Variants in TPTE2 observed in about 807,000 individuals in gnomAD.
TPTE2 encodes the protein transmembrane phosphoinositide 3-phosphatase and tensin homolog 2.
In TPTE2, 53 loss-of-function variants were observed where a neutral mutation model predicts 78.6. That is an observed-to-expected ratio of 0.67 (90% CI 0.54 to 0.85). The LOEUF (loss-of-function observed/expected upper bound fraction) is 0.85. Among genes scored for constraint, TPTE2 ranks in the 40% least tolerant of loss-of-function variants. The pLI is 0.00. For missense variants in TPTE2, 461 were observed against 623.0 expected (o/e 0.74, Z 2.77); for synonymous variants, 175 against 206.2 (o/e 0.85, Z 1.30).
At chr13:19,518,279 T>C (rs1414439844) in intron 1 of TPTE2, among the ~76,000 whole-genome samples, 2 of 152,202 alleles carry the variant, frequency 1.3e-5, no homozygotes, top group Non-Finnish European at 2.9e-5. Context: ...GCAATGGATA[T>C]GCTAATTACC....
In TPTE2 at chr13:19,516,340, C is replaced by T. The variant is rs140970618; in HGVS notation, c.-43-13063G>A. 5.2e-3 allele frequency among the ~76,000 whole-genome samples: 794 copies of T among 152,332 alleles called. 4 individuals are homozygous for T. The highest frequency in any genetic ancestry group is 9.6e-3 in the Admixed American group (147 of 15,310). ...TTAGGTGCTCCAAGCATGAAAGCTT[C>T]ATTCTCAACAGATTCCTAATGTTTC... On this transcript the variant is annotated intron_variant, in intron 1 of 17. Transcript: ENST00000390680.
intron 19 of TPTE2, 62 bp from the exon 23 acceptor site, chr13:19,423,226 G>A (rs1317694212): frequency 7.5e-7 from 1 of 1,330,996 alleles, no homozygotes; most frequent in African/African-American, 1.5e-5. Context: ...CACGCAGTTG[G>A]GTACCCACGT....
chr13:19,462,552 T>A (rs12864750), intron 10 of TPTE2, among the ~76,000 whole-genome samples: 3 of 145,934 alleles, frequency 2.1e-5, no homozygotes, highest in African/African-American at 5.2e-5. Flanking sequence ...TTTTTTTTTT[T>A]AATTTTTTTG....
chr13:19,501,842 T>C (rs1463987096), intron 1 of TPTE2, among the ~76,000 whole-genome samples: 7 of 151,132 alleles, frequency 4.6e-5, no homozygotes, highest in Non-Finnish European at 7.4e-5. Context: ...AAAGAAACTA[T>C]CATCAGAGTG....
At chr13:19,461,611 A>G (rs145656204) in intron 10 of TPTE2, among the ~76,000 whole-genome samples, 41 of 152,282 alleles carry the variant, frequency 2.7e-4, no homozygotes, top group Admixed American at 2.0e-3. Context: ...AAAGGCCCCA[A>G]CTGTTATTGC....
chr13:19,469,760 T>C (rs1182093394), intron 6 of TPTE2, among the ~76,000 whole-genome samples: 1 of 152,222 alleles, frequency 6.6e-6, no homozygotes, highest in Non-Finnish European at 1.5e-5. Context: ...GGTTAATTTC[T>C]AGGTATTTAA....
At chr13:19,457,583 C>G (rs2137545858) in intron 10 of TPTE2, among the ~76,000 whole-genome samples, 1 of 150,708 alleles carries the variant, frequency 6.6e-6, no homozygotes, top group African/African-American at 2.4e-5. Flanking sequence ...CTCATGTGTT[C>G]TCATTGTCAG....
chr13:19,431,640 G>T (rs1265449732), intron 16 of TPTE2, among the ~76,000 whole-genome samples: 1 of 151,512 alleles, frequency 6.6e-6, no homozygotes, highest in African/African-American at 2.4e-5. Flanking sequence ...AGAAATCACA[G>T]TTTCTTGCCT....
chr13:19,541,995 A>C, the TPTE2 span, among the ~76,000 whole-genome samples: 3 of 152,148 alleles, frequency 2.0e-5, no homozygotes, highest in African/African-American at 7.2e-5. Flanking sequence ...TACCAATCAA[A>C]TTTCTTTAAT....
chr13:19,509,041 A>G (rs1566071125), intron 1 of TPTE2, among the ~76,000 whole-genome samples: 1 of 152,206 alleles, frequency 6.6e-6, no homozygotes, highest in African/African-American at 2.4e-5. Flanking sequence ...ATTACTGAAT[A>G]CCTCTTATGT....
rs534945910 is a variant in TPTE2, at chr13:19,440,948, G to A, written c.974-2795C>T. On this transcript the variant is annotated intron_variant, in intron 13 of 19. Transcript: ENST00000400230. ...CTAAAAATACAAAAATTAGCTGGGC[G>A]TGGTGGCAGGCACTTGTAATCCCAG... 1.1e-4 allele frequency among the ~76,000 whole-genome samples: 16 copies of A among 151,776 alleles called. No homozygotes were observed. The South Asian group carries it at 2.5e-3, about 24-fold the overall frequency.
the TPTE2 span, among the ~76,000 whole-genome samples, chr13:19,544,554 C>A: frequency 6.6e-6 from 1 of 152,192 alleles, no homozygotes; most frequent in Admixed American, 6.5e-5. Flanking sequence ...CAAATTAAAT[C>A]TCTATTCATT....
intron 17 of TPTE2, 32 bp downstream of exon 20, chr13:19,430,436 C>T: frequency 6.6e-7 from 1 of 1,521,356 alleles, no homozygotes; most frequent in South Asian, 1.1e-5. Flanking sequence ...AAACAAACAT[C>T]AGATTTTTTC....
At chr13:19,436,282 T>C in exon 15 of TPTE2, 1 of 1,613,384 alleles carries the variant, frequency 6.2e-7, no homozygotes, top group Middle Eastern at 1.7e-4. Flanking sequence ...TTGGTTCGCC[T>C]TTCTCCAAAA....
intron 10 of TPTE2, among the ~76,000 whole-genome samples, chr13:19,459,937 C>T (rs2497074): frequency 0.98 from 148,745 of 152,256 alleles, 72,734 homozygotes; most frequent in East Asian, 1. Flanking sequence ...GATTCCAACC[C>T]GCTGCTGTTG....
intron 1 of TPTE2, among the ~76,000 whole-genome samples, chr13:19,534,454 T>C (rs932018738): frequency 6.6e-6 from 1 of 152,198 alleles, no homozygotes; most frequent in Admixed American, 6.5e-5. Flanking sequence ...AAGGAGCATC[T>C]TCATAAAGAT....
intron 6 of TPTE2, among the ~76,000 whole-genome samples, chr13:19,472,042 T>C (rs1879650405): frequency 6.6e-6 from 1 of 152,236 alleles, no homozygotes; most frequent in African/African-American, 2.4e-5. Context: ...CTGCCAGATA[T>C]ATTGTAGCTC....
intron 13 of TPTE2, among the ~76,000 whole-genome samples, chr13:19,444,663 T>C (rs1384585726): frequency 6.6e-6 from 1 of 152,156 alleles, no homozygotes; most frequent in African/African-American, 2.4e-5. Flanking sequence ...TCCAAACAAA[T>C]TTCTATCCAG....
chr13:19,462,103 T>A (rs1311452550), intron 10 of TPTE2, among the ~76,000 whole-genome samples: 2 of 151,594 alleles, frequency 1.3e-5, no homozygotes, highest in East Asian at 3.9e-4. Context: ...CTTCACCTAT[T>A]TTTTTTTAAT....
Sources: allele counts gnomAD v4.1 joint callset (sites outside exome capture counted in the v4.1 genomes callset), GRCh38; gene constraint gnomAD v4.1.1; transcripts MANE v1.5; gene names NCBI Gene and HGNC (gene_info 2026-07-23, HGNC 2026-07-21).